The following GRIN3A variants were observed in gnomAD, a reference collection of about 807,000 sequenced individuals.
The protein encoded by GRIN3A is glutamate receptor ionotropic, NMDA 3A.
In GRIN3A, 47 loss-of-function variants were observed where a neutral mutation model predicts 92.4. That is an observed-to-expected ratio of 0.51 (90% CI 0.40 to 0.65). The LOEUF is 0.65. Ranked by LOEUF, GRIN3A falls within the 30% of genes least tolerant of loss-of-function variation. The pLI, the probability that GRIN3A is intolerant of heterozygous loss-of-function variation, is 0.00. For synonymous variants in GRIN3A, 527 were observed against 540.6 expected (o/e 0.97, Z 0.35); for missense variants, 1,324 against 1,393.1 (o/e 0.95, Z 0.79).
At chr9:101,628,451 G>GT (rs778528799) in intron 3 of GRIN3A, 50 bp from the exon 4 acceptor site, 24 of 1,552,372 alleles carry the variant, frequency 1.5e-5, no homozygotes, top group Middle Eastern at 1.7e-4. Context: ...TCTTAGAAGT[G>GT]TTTTTTAACA....
At chr9:101,693,242 AAAATATATATAT>A (rs1564146074) in intron 1 of GRIN3A, among the ~76,000 whole-genome samples, 1 of 80,448 alleles carries the variant, frequency 1.2e-5, no homozygotes, top group African/African-American at 3.1e-5. Context: ...CATCTCAGCT[AAAATATATATAT>A]ATATATATAT....
intron 8 of GRIN3A, among the ~76,000 whole-genome samples, chr9:101,576,471 C>T (rs907156770): frequency 6.6e-6 from 1 of 152,174 alleles, no homozygotes; most frequent in Non-Finnish European, 1.5e-5. Context: ...TCAAAAGACA[C>T]AAATGGTTTT....
chr9:101,712,575 T>C (rs975733510), intron 1 of GRIN3A, among the ~76,000 whole-genome samples: 1 of 152,220 alleles, frequency 6.6e-6, no homozygotes, highest in Admixed American at 6.5e-5. Flanking sequence ...CTAGAACTCA[T>C]CCATAAGATT....
chr9:101,617,218 A>G (rs1442105842), intron 5 of GRIN3A, among the ~76,000 whole-genome samples: 1 of 151,238 alleles, frequency 6.6e-6, no homozygotes, highest in East Asian at 1.9e-4. Context: ...AAAAAAAAAA[A>G]AAAAAAAAGA....
chr9:101,614,695 C>A (rs1828417841), intron 5 of GRIN3A, among the ~76,000 whole-genome samples: 1 of 139,902 alleles, frequency 7.1e-6, no homozygotes. Flanking sequence ...TCATGGCTCA[C>A]TGCAACCTTG....
intron 3 of GRIN3A, among the ~76,000 whole-genome samples, chr9:101,631,111 T>G (rs1031920339): frequency 3.3e-5 from 5 of 152,120 alleles, no homozygotes; most frequent in Admixed American, 3.3e-4. Flanking sequence ...AATTATGTAA[T>G]CATGTGATTA....
intron 3 of GRIN3A, among the ~76,000 whole-genome samples, chr9:101,634,371 G>A (rs1828755868): frequency 6.7e-6 from 1 of 148,228 alleles, no homozygotes; most frequent in Non-Finnish European, 1.5e-5. Context: ...CTCCTTTTGA[G>A]GCATAGCTTC....
At chr9:101,584,821 C>G (rs1446622503) in intron 6 of GRIN3A, among the ~76,000 whole-genome samples, 1 of 152,186 alleles carries the variant, frequency 6.6e-6, no homozygotes, top group Non-Finnish European at 1.5e-5. Context: ...GTATTTTGTT[C>G]AGATGTCGTC....
At chr9:101,656,649 G>C (rs1279452805) in intron 3 of GRIN3A, among the ~76,000 whole-genome samples, 2 of 151,884 alleles carry the variant, frequency 1.3e-5, no homozygotes, top group Admixed American at 6.6e-5. Context: ...TTGGGTCTGA[G>C]ATTCTACATT....
chr9:101,577,712 G>C, intron 8 of GRIN3A, 56 bp downstream of exon 8: 1 of 1,204,602 alleles, frequency 8.3e-7, no homozygotes, highest in Non-Finnish European at 1.2e-6. Context: ...TATACAGTTA[G>C]ATCTCTAAAG....
At chr9:101,693,977 C>A (rs560799377) in intron 1 of GRIN3A, among the ~76,000 whole-genome samples, 1 of 152,276 alleles carries the variant, frequency 6.6e-6, no homozygotes, top group South Asian at 2.1e-4. Flanking sequence ...TAGCACATAT[C>A]TCTCAGGATT....
At position 101,572,946 on chromosome 9, in the gene GRIN3A, C is replaced by A; in HGVS notation, c.*228G>T. 1 of 559,280 alleles carries A rather than the reference C, an allele frequency of 1.8e-6. No individual in the cohort carries two copies. The highest frequency in any genetic ancestry group is 3.2e-6 in the Non-Finnish European group (1 of 310,810). 34.6% of individuals were successfully genotyped at this position (559,280 alleles called of 1,614,324 possible). A position where few individuals can be genotyped will look rare whatever the true frequency, so the allele number is the denominator to read the frequency against. ...ACAGATCTCTCGCACAGAGCTTACT[C>A]CTGACTAAGATTCTTGCTAGAAAAA... On this transcript the variant is annotated 3_prime_UTR_variant, in exon 9 of 9. Coordinates refer to ENST00000361820, the MANE Select transcript of GRIN3A (RefSeq NM_133445.3).
intron 1 of GRIN3A, among the ~76,000 whole-genome samples, chr9:101,694,506 G>T (rs575225011): frequency 1.1e-4 from 17 of 151,754 alleles, no homozygotes; most frequent in South Asian, 8.4e-4. Context: ...CCTAATTATT[G>T]ATACCCAACT....
At chr9:101,601,440 C>T (rs1196080284) in intron 6 of GRIN3A, among the ~76,000 whole-genome samples, 1 of 152,190 alleles carries the variant, frequency 6.6e-6, no homozygotes, top group Non-Finnish European at 1.5e-5. Context: ...TCTACAAATG[C>T]TTGTCTAGAA....
At chr9:101,622,500 C>G (rs1397562280) in intron 5 of GRIN3A, among the ~76,000 whole-genome samples, 1 of 152,156 alleles carries the variant, frequency 6.6e-6, no homozygotes, top group Non-Finnish European at 1.5e-5. Flanking sequence ...ACAAAGCAAT[C>G]TTTCTTTGGT....
chr9:101,701,894 G>A (rs1368045768), intron 1 of GRIN3A, among the ~76,000 whole-genome samples: 3 of 152,008 alleles, frequency 2.0e-5, no homozygotes, highest in Non-Finnish European at 2.9e-5. Context: ...TCTATCCTGA[G>A]ATCTCCCACC....
intron 3 of GRIN3A, among the ~76,000 whole-genome samples, chr9:101,665,269 AATT>A (rs1368413986): frequency 6.6e-6 from 1 of 151,926 alleles, no homozygotes; most frequent in Non-Finnish European, 1.5e-5. Flanking sequence ...TTCTCAGTAA[AATT>A]CTTCTATTAT....
intron 1 of GRIN3A, among the ~76,000 whole-genome samples, chr9:101,690,162 C>T (rs1829596574): frequency 6.6e-6 from 1 of 151,884 alleles, no homozygotes; most frequent in African/African-American, 2.4e-5. Flanking sequence ...AATTCTCATT[C>T]CCTTAAATAA....
Position 101,737,673 on chromosome 9 carries a change from G to A in GRIN3A, c.307C>T (p.His103Tyr). 1 of 1,587,696 alleles carries A rather than the reference G, an allele frequency of 6.3e-7. No individual in the cohort carries two copies. The highest frequency in any genetic ancestry group is 8.5e-7 in the Non-Finnish European group (1 of 1,170,184). ...PGARWLGSTL[H>Y]GRGPPGSRKP... ...CGGGAGCCCGGCGGCCCCCGGCCAT[G>A]CAGGGTGCTCCCCAACCAGCGTGCG... Residue 103 changes from histidine to tyrosine, a missense_variant, in exon 1 of 9, where the codon CAT becomes TAT. Physicochemically the swap from His to Tyr is moderately conservative, Grantham distance 83. Coordinates refer to ENST00000361820, the MANE Select transcript of GRIN3A (RefSeq NM_133445.3).
Sources: gnomAD v4.1 joint callset for allele counts (sites outside exome capture counted in the v4.1 genomes callset) on GRCh38, gnomAD v4.1.1 for gene constraint, MANE v1.5 for transcripts, NCBI Gene and HGNC (gene_info 2026-07-23, HGNC 2026-07-21) for gene names.